The following DLL3 variants were observed in gnomAD, a reference collection of about 807,000 sequenced individuals.
DLL3 encodes the protein delta like canonical Notch ligand 3.
In DLL3, 49 loss-of-function variants were observed where a neutral mutation model predicts 55.0. The ratio of observed to expected loss-of-function variants is 0.89; its 90% confidence interval spans 0.71 to 1.13. DLL3 has a LOEUF of 1.13. DLL3 is among the 50% of genes most tolerant of loss of function. The pLI is 0.00. For missense variants in DLL3, 962 were observed against 875.5 expected (o/e 1.10, Z -1.25); for synonymous variants, 421 against 385.2 (o/e 1.09, Z -1.09).
chr19:39,500,759 G>A (rs953028486), intron 3 of DLL3, 87 bp downstream of exon 3: 2 of 1,179,214 alleles, frequency 1.7e-6, no homozygotes, highest in Non-Finnish European at 2.5e-6. Context: ...GTCTTATGAT[G>A]TCATCACAGC....
Position 39,502,845 on chromosome 19 carries a change from C to A in DLL3, c.440C>A (p.Ala147Asp). ...GCCTGGAGCCTGCTGGCGCGCGTGGCTGGCAGGCGGCGCTTGGCAGCCGGA... is the reference window on the plus strand; with the variant it reads ...GCCTGGAGCCTGCTGGCGCGCGTGGATGGCAGGCGGCGCTTGGCAGCCGGA... Reference protein sequence around the residue: ...GPAWSLLARVAGRRRLAAGGP... With the variant: ...GPAWSLLARVDGRRRLAAGGP... The change falls in exon 4 of 9, where the codon GCT becomes GAT. Residue 147 changes from alanine to aspartate, a missense_variant. Coordinates refer to ENST00000356433, the MANE Select transcript of DLL3 (RefSeq NM_203486.3). The A allele has an allele frequency of 7.0e-7, 1 of 1,418,966 alleles. No homozygotes were observed. The highest frequency in any genetic ancestry group is 2.9e-5 in the Admixed American group (1 of 34,380). The allele number at this position is 1,418,966 out of a possible 1,614,324, so 87.9% of individuals were successfully genotyped here.
Position 39,505,382 on chromosome 19 carries a change from C to T in DLL3, c.1024C>T (p.Pro342Ser). The T allele has an allele frequency of 6.2e-7, 1 of 1,614,116 alleles. No individual in the cohort carries two copies. The highest frequency in any genetic ancestry group is 2.2e-5 in the East Asian group (1 of 44,880). The part of the protein sequence containing the change: ...DPDSAYICHC[P>S]PGFQGSNCEK... Reference sequence around the variant, plus strand: ...TGACTCTGCCTACATCTGCCACTGCCCACCCGGTTTCCAAGGCTCCAACTG... The same window carrying T: ...TGACTCTGCCTACATCTGCCACTGCTCACCCGGTTTCCAAGGCTCCAACTG... The change falls in exon 6 of 9, where the codon CCA becomes TCA. Residue 342 changes from proline to serine, a missense_variant. Pro to Ser is a moderately conservative substitution (Grantham distance 74, BLOSUM62 -1). Coordinates refer to ENST00000356433, the MANE Select transcript of DLL3 (RefSeq NM_203486.3).
chr19:39,508,215 C>T (rs1183866541), intron 8 of DLL3, 37 bp from the exon 9 acceptor site: 4 of 1,613,978 alleles, frequency 2.5e-6, no homozygotes, highest in Middle Eastern at 1.6e-4. Context: ...GGCAGAGGGG[C>T]AGCCTCTCTA....
chr19:39,501,281 A>G (rs7247135), intron 3 of DLL3, among the ~76,000 whole-genome samples: 41,114 of 151,798 alleles, frequency 0.27, 6,199 homozygotes, highest in Middle Eastern at 0.41. Context: ...GATTACAGGC[A>G]TGAGCCACCA....
intron 3 of DLL3, among the ~76,000 whole-genome samples, chr19:39,501,878 C>T (rs964971826): frequency 1.3e-5 from 2 of 152,124 alleles, no homozygotes; most frequent in Non-Finnish European, 2.9e-5. Context: ...CTCATCATTA[C>T]TTCAATTTAC....
chr19:39,506,422 C>A (rs560508933), intron 6 of DLL3, among the ~76,000 whole-genome samples: 149 of 151,016 alleles, frequency 9.9e-4, no homozygotes, highest in African/African-American at 3.6e-3. Flanking sequence ...TATCTTCTTG[C>A]GAGTGAATAC....
intron 6 of DLL3, 27 bp downstream of exon 6, chr19:39,505,478 G>C: frequency 1.2e-6 from 2 of 1,612,130 alleles, no homozygotes; most frequent in Non-Finnish European, 1.7e-6. Context: ...TGAACGGCGA[G>C]GGATGGGGTG....
At chr19:39,500,823 C>T (rs1168564092) in intron 3 of DLL3, 151 bp downstream of exon 3, 2 of 714,682 alleles carry the variant, frequency 2.8e-6, no homozygotes, top group African/African-American at 3.5e-5. Context: ...GCATCTCAGG[C>T]ACAGAAATGT....
rs1288177253 is a variant in DLL3 at position 39,499,574 on chromosome 19, C to T, written c.351+101C>T. 3 of 1,472,930 alleles carry T rather than the reference C, an allele frequency of 2.0e-6. No homozygotes were observed. The African/African-American group carries it at 4.2e-5, about 21-fold the overall frequency. 91.2% of individuals were successfully genotyped at this position (1,472,930 alleles called of 1,614,324 possible). A position where few individuals can be genotyped will look rare whatever the true frequency, so the allele number is the denominator to read the frequency against. On this transcript the variant is annotated intron_variant, in intron 2 of 8. Transcript: ENST00000356433. ...CCAGCTTCCAAGACCCTAATCCTGC[C>T]TCCCAGGGGGTGGACGAAATTCCCA... is the stretch of plus-strand genomic sequence containing the variant.
At chr19:39,501,131 C>G (rs915823817) in intron 3 of DLL3, among the ~76,000 whole-genome samples, 2 of 152,056 alleles carry the variant, frequency 1.3e-5, no homozygotes, top group African/African-American at 4.8e-5. Context: ...TCCCAAGTAG[C>G]TGGGATTACA....
chr19:39,502,499 A>T (rs546742667), intron 3 of DLL3, among the ~76,000 whole-genome samples: 4 of 152,164 alleles, frequency 2.6e-5, no homozygotes, highest in Admixed American at 1.3e-4. Flanking sequence ...TCTTGACCTC[A>T]GGTGGTCCAC....
intron 6 of DLL3, 162 bp downstream of exon 6, chr19:39,505,613 C>A: frequency 1.5e-6 from 1 of 673,856 alleles, no homozygotes; most frequent in Non-Finnish European, 2.5e-6. Context: ...CATTCCCTAT[C>A]TCATAACTAT....
At chr19:39,500,943 T>G (rs2079606359) in intron 3 of DLL3, among the ~76,000 whole-genome samples, 1 of 152,048 alleles carries the variant, frequency 6.6e-6, no homozygotes, top group South Asian at 2.1e-4. Flanking sequence ...TACCTTATCA[T>G]CTGATGTTGA....
chr19:39,505,104 G>A, intron 5 of DLL3, 125 bp from the exon 6 acceptor site: 1 of 926,194 alleles, frequency 1.1e-6, no homozygotes, highest in South Asian at 1.4e-5. Context: ...GACCTCCCAG[G>A]GTGGCCCCTG....
chr19:39,507,926 C>A lies in DLL3; in HGVS notation c.1758+12C>A, dbSNP rs267605476. On this transcript the variant is annotated intron_variant, in intron 8 of 8. Transcript: ENST00000356433. ...TCTACGCTCGGGAGGTAGCGACGCC[C>A]CTTTTCCCCCCGCTACACACTGGGC... 6.2e-7 allele frequency: 1 copy of A among 1,614,122 alleles called. No individual in the cohort carries two copies. The highest frequency in any genetic ancestry group is 1.7e-5 in the Admixed American group (1 of 60,020).
chr19:39,501,395 C>T (rs2079609115), intron 3 of DLL3, among the ~76,000 whole-genome samples: 1 of 152,150 alleles, frequency 6.6e-6, no homozygotes, highest in South Asian at 2.1e-4. Context: ...AGCAGAGGTT[C>T]CTGGGAGGGA....
intron 4 of DLL3, 136 bp downstream of exon 4, chr19:39,503,193 C>A: frequency 1.1e-6 from 1 of 926,568 alleles, no homozygotes; most frequent in Non-Finnish European, 1.5e-6. Flanking sequence ...ACCATGTACC[C>A]CAGGCACCCC....
Position 39,502,820 on chromosome 19 carries a change from G to T in DLL3, c.415G>T (p.Ala139Ser), listed in dbSNP as rs781246209. 4.9e-6 allele frequency: 7 copies of T among 1,419,294 alleles called. No individual in the cohort carries two copies. The Admixed American group carries it at 1.1e-4, about 23-fold the overall frequency. The allele number at this position is 1,419,294 out of a possible 1,614,324, so 87.9% of individuals were successfully genotyped here. A position where few individuals can be genotyped will look rare whatever the true frequency, so the allele number is the denominator to read the frequency against. ...EELGDQIGGP[A>S]WSLLARVAGR... ...TCCTTTGCCTGTCCTCGCAGGGCCCGCCTGGAGCCTGCTGGCGCGCGTGGC... is the reference window on the plus strand; with the variant it reads ...TCCTTTGCCTGTCCTCGCAGGGCCCTCCTGGAGCCTGCTGGCGCGCGTGGC... The change falls in exon 4 of 9, where the codon GCC (alanine) becomes TCC (serine). Residue 139 changes from alanine to serine, a missense_variant. Physicochemically the swap from Ala to Ser is moderately conservative, Grantham distance 99. Transcript: ENST00000356433.
In DLL3 at chr19:39,505,453, T is replaced by TGAGGCCTG. The variant is rs1195460511; in HGVS notation, c.1093+11_1093+18dup. 1.9e-6 allele frequency: 3 copies of TGAGGCCTG among 1,613,886 alleles called. No individual in the cohort carries two copies. Among genetic ancestry groups the TGAGGCCTG allele is most frequent in the Non-Finnish European group, 2.5e-6 (3 of 1,179,942 alleles). ...GCAGCCTGCAGCCATGCCGCAATGG[T>TGAGGCCTG]GAGGCCTGGAGGCCTGAACGGCGAG... On this transcript the variant is annotated splice_region_variant and intron_variant, in intron 6 of 8. Transcript: ENST00000356433.
Sources: gnomAD v4.1 joint callset for allele counts (sites outside exome capture counted in the v4.1 genomes callset) on GRCh38, gnomAD v4.1.1 for gene constraint, MANE v1.5 for transcripts, NCBI Gene and HGNC (gene_info 2026-07-23, HGNC 2026-07-21) for gene names.